ASH1L: variants seen among roughly 807,000 people sequenced by gnomAD.
The protein encoded by ASH1L is ASH1 like histone lysine methyltransferase.
Under a neutral mutation model 269.0 loss-of-function variants are expected in ASH1L, and 23 were observed. The ratio of observed to expected loss-of-function variants is 0.09; its 90% CI spans 0.06 to 0.12. The LOEUF is 0.12. ASH1L is among the 10% of genes least tolerant of loss of function. ASH1L has a pLI of 1.00. For missense variants in ASH1L, 2,912 were observed against 3,567.8 expected, an observed-to-expected ratio of 0.82 and a Z score of 4.68; for synonymous variants, 1,187 against 1,253.5, an observed-to-expected ratio of 0.95 and a Z score of 1.12.
rs1480989178 is a variant in ASH1L at position 155,480,031 on chromosome 1, C to A, written c.2839G>T (p.Asp947Tyr). The stretch of plus-strand genomic sequence containing the variant: ...CTTGGCCTATGACTGTCATCTAGGT[C>A]ATCTGGATCCTGAAGTTGATCCTCG... ...ESEDQLQDPD[D>Y]LDDSHRPSVC... Residue 947 changes from aspartate to tyrosine, a missense_variant, in exon 3 of 28, where the codon GAC (aspartate) becomes TAC (tyrosine). By Grantham distance (160) the Asp-to-Tyr change is radical. Around this residue, in one of 13 missense-constraint regions of ASH1L, gnomAD observed 715 missense variants for 721.0 expected, o/e 0.99. Coordinates refer to ENST00000392403, the MANE Select transcript of ASH1L (RefSeq NM_018489.3). The A allele has an allele frequency of 1.2e-6, 2 of 1,613,922 alleles. 1 individual carries two copies. Among genetic ancestry groups the A allele is most frequent in the African/African-American group, 2.7e-5 (2 of 74,900 alleles).
chr1:155,391,885 G>A (rs942861608), intron 7 of ASH1L, among the ~76,000 whole-genome samples: 1 of 152,048 alleles, frequency 6.6e-6, no homozygotes, highest in Non-Finnish European at 1.5e-5. Flanking sequence ...GAGCCTAGGA[G>A]GTAGAGGCTG....
intron 15 of ASH1L, among the ~76,000 whole-genome samples, chr1:155,355,072 T>C (rs778248109): frequency 1.3e-5 from 2 of 152,200 alleles, no homozygotes; most frequent in African/African-American, 2.4e-5. Context: ...TACTTTTTTT[T>C]TGAGTCGACG....
chr1:155,451,024 C>A (rs2148654857), intron 4 of ASH1L, among the ~76,000 whole-genome samples: 1 of 151,420 alleles, frequency 6.6e-6, no homozygotes, highest in East Asian at 1.9e-4. Flanking sequence ...ATGAAGAAAC[C>A]CTATCTCTAC....
rs770491776 is a variant in ASH1L, at chr1:155,348,818, T to C, written c.7554+509A>G. Among the ~76,000 whole-genome samples the C allele has an allele frequency of 3.3e-5, 5 of 150,638 alleles. No homozygotes were observed. The East Asian group carries it at 5.9e-4, about 18-fold the overall frequency. ...ATCGCTTGAACCCGGGAGGTGGAGG[T>C]TGCAGTGAGCTGAGATCACGCTATT... On this transcript the variant is annotated intron_variant, in intron 19 of 27. Transcript: ENST00000392403.
rs777719270 is a variant in ASH1L, at chr1:155,338,169, G to T, written c.8723C>A (p.Pro2908His). 8 of 1,613,960 alleles carry T rather than the reference G, an allele frequency of 5.0e-6. No individual in the cohort carries two copies. Among genetic ancestry groups the T allele is most frequent in the Non-Finnish European group, 1.7e-6 (2 of 1,180,016 alleles). ...CCGTTGGTTATGCCGTCGTTCCTCA[G>T]GGGTACAGGTTGACTGGGGTTCTTG... is the stretch of plus-strand genomic sequence containing the variant. ...SSQEPQSTCT[P>H]EERRHNQRER... The change falls in exon 27 of 28, where the codon CCT becomes CAT. Residue 2908 changes from proline to histidine, a missense_variant. This residue lies in a region of ASH1L where 154 missense variants were observed against 165.0 expected (regional missense o/e 0.93). Coordinates refer to ENST00000392403, the MANE Select transcript of ASH1L (RefSeq NM_018489.3).
chr1:155,472,783 A>C (rs1558140562), intron 3 of ASH1L, among the ~76,000 whole-genome samples: 1 of 152,238 alleles, frequency 6.6e-6, no homozygotes. Flanking sequence ...ATTTTTATGT[A>C]AAATTGCTAC....
At chr1:155,367,178 G>A (rs1026302850) in intron 12 of ASH1L, among the ~76,000 whole-genome samples, 2 of 151,948 alleles carry the variant, frequency 1.3e-5, no homozygotes, top group African/African-American at 4.8e-5. Flanking sequence ...ATTTTTAGTA[G>A]AGACAGGGTT....
At chr1:155,458,150 G>A (rs1453082498) in intron 4 of ASH1L, among the ~76,000 whole-genome samples, 1 of 152,100 alleles carries the variant, frequency 6.6e-6, no homozygotes. Flanking sequence ...GTCTCTCCAT[G>A]GTAGTATAAA....
At chr1:155,382,873 G>A (rs1480663491) in intron 7 of ASH1L, among the ~76,000 whole-genome samples, 1 of 152,108 alleles carries the variant, frequency 6.6e-6, no homozygotes, top group Non-Finnish European at 1.5e-5. Flanking sequence ...CTACAGGCAT[G>A]TGCCACCATG....
intron 1 of ASH1L, among the ~76,000 whole-genome samples, chr1:155,536,094 A>G (rs940564248): frequency 6.6e-6 from 1 of 152,244 alleles, no homozygotes; most frequent in Non-Finnish European, 1.5e-5. Context: ...GATAACCATC[A>G]TATTTCTTAG....
chr1:155,494,200 A>C (rs1251102516), intron 2 of ASH1L, among the ~76,000 whole-genome samples: 1 of 152,208 alleles, frequency 6.6e-6, no homozygotes, highest in Non-Finnish European at 1.5e-5. Context: ...AGATGGATCC[A>C]TGTAGGTATG....
chr1:155,426,489 C>A (rs967314007), intron 5 of ASH1L, among the ~76,000 whole-genome samples: 2 of 152,142 alleles, frequency 1.3e-5, no homozygotes, highest in Non-Finnish European at 2.9e-5. Context: ...GCGTGAGACA[C>A]CGCGCCTGGC....
intron 4 of ASH1L, among the ~76,000 whole-genome samples, chr1:155,443,977 A>ATTTTT (rs1662797088): frequency 2.2e-5 from 3 of 134,718 alleles, no homozygotes; most frequent in African/African-American, 9.3e-5. Context: ...GAATTACTAA[A>ATTTTT]TCTTTTTTTT....
intron 7 of ASH1L, among the ~76,000 whole-genome samples, chr1:155,390,842 G>C (rs1238983442): frequency 1.3e-5 from 2 of 151,168 alleles, no homozygotes; most frequent in African/African-American, 2.4e-5. Context: ...GTAGAGACGT[G>C]GTTTCACCGT....
chr1:155,373,210 C>G (rs1656133368), intron 10 of ASH1L, among the ~76,000 whole-genome samples: 1 of 141,814 alleles, frequency 7.1e-6, no homozygotes, highest in African/African-American at 2.7e-5. Flanking sequence ...GAGGCTCTGT[C>G]TAAAAAAAAA....
At chr1:155,503,695 A>G (rs1448943023) in intron 2 of ASH1L, among the ~76,000 whole-genome samples, 1 of 152,240 alleles carries the variant, frequency 6.6e-6, no homozygotes, top group Non-Finnish European at 1.5e-5. Flanking sequence ...GCCACAGTTA[A>G]TATGTAAACT....
intron 6 of ASH1L, among the ~76,000 whole-genome samples, chr1:155,415,418 C>A (rs531922212): frequency 1.5e-4 from 22 of 150,592 alleles, no homozygotes; most frequent in Non-Finnish European, 3.0e-4. Context: ...AAAAGAAAAG[C>A]ATCATTAGAA....
At chr1:155,498,259 A>G (rs964891397) in intron 2 of ASH1L, among the ~76,000 whole-genome samples, 1 of 151,916 alleles carries the variant, frequency 6.6e-6, no homozygotes, top group Non-Finnish European at 1.5e-5. Flanking sequence ...TGTTCAATAG[A>G]TACACAATTT....
intron 6 of ASH1L, among the ~76,000 whole-genome samples, chr1:155,405,703 G>A (rs1046409603): frequency 2.0e-5 from 3 of 151,354 alleles, no homozygotes; most frequent in Non-Finnish European, 4.4e-5. Context: ...GGTGGTGTGG[G>A]CCTGTAGCCC....
Sources: allele counts gnomAD v4.1 joint callset (sites outside exome capture counted in the v4.1 genomes callset), GRCh38; gene constraint gnomAD v4.1.1; regional missense constraint gnomAD v4.1.1; transcripts MANE v1.5; gene names NCBI Gene and HGNC (gene_info 2026-07-23, HGNC 2026-07-21).